Variants in ACTR3 observed in about 807,000 individuals in gnomAD.
ACTR3 encodes actin related protein 3.
Under a neutral mutation model 56.8 loss-of-function variants are expected in ACTR3, and 12 were observed. That is an observed-to-expected ratio of 0.21 (90% CI 0.14 to 0.34). The LOEUF (loss-of-function observed/expected upper bound fraction) is 0.34, where lower values mean the gene tolerates loss of function less well. Ranked by LOEUF, ACTR3 falls within the 10% of genes least tolerant of loss-of-function variation. The pLI is 1.00. For missense variants in ACTR3, 282 were observed against 512.5 expected, an observed-to-expected ratio of 0.55 and a Z score of 4.34; for synonymous variants, 162 against 167.4, an observed-to-expected ratio of 0.97 and a Z score of 0.25.
At chr2:113,891,083 C>T (rs1256047335) in intron 1 of ACTR3, among the ~76,000 whole-genome samples, 1 of 152,134 alleles carries the variant, frequency 6.6e-6, no homozygotes, top group Non-Finnish European at 1.5e-5. Flanking sequence ...GTCTTTTATA[C>T]CCTTATAAGG....
intron 2 of ACTR3, 87 bp from the exon 3 acceptor site, chr2:113,916,797 A>G (rs1228768021): frequency 3.5e-6 from 4 of 1,151,386 alleles, no homozygotes; most frequent in Non-Finnish European, 3.6e-6. Context: ...TTTACTTTGT[A>G]GTACTTTGTA....
At chr2:113,890,023 G>A (rs1364277428), upstream of ACTR3, 4 of 580,364 alleles carry the variant, frequency 6.9e-6, no homozygotes, top group Admixed American at 9.1e-5. Context: ...GCAGGAGTGA[G>A]GAGGAGGGAA....
At chr2:113,903,095 T>C (rs1292949913) in intron 1 of ACTR3, among the ~76,000 whole-genome samples, 1 of 152,252 alleles carries the variant, frequency 6.6e-6, no homozygotes, top group African/African-American at 2.4e-5. Context: ...CTAGTACTTA[T>C]TCATCTTATA....
intron 3 of ACTR3, among the ~76,000 whole-genome samples, chr2:113,923,515 T>C (rs2104602159): frequency 6.6e-6 from 1 of 152,250 alleles, no homozygotes; most frequent in South Asian, 2.1e-4. Context: ...TTTTATATTT[T>C]TAGTAGAGAT....
chr2:113,920,443 A>G (rs1350088668), intron 3 of ACTR3, among the ~76,000 whole-genome samples: 1 of 152,216 alleles, frequency 6.6e-6, no homozygotes, highest in Admixed American at 6.5e-5. Context: ...GTGTGTGGTG[A>G]TCAAGTCAAT....
intron 4 of ACTR3, among the ~76,000 whole-genome samples, chr2:113,930,659 C>A (rs1483185099): frequency 1.3e-5 from 2 of 152,204 alleles, no homozygotes; most frequent in Non-Finnish European, 2.9e-5. Context: ...ACTGCCAGAT[C>A]TCTGAGTCCT....
At chr2:113,936,940 T>C (rs1027607664) in intron 6 of ACTR3, among the ~76,000 whole-genome samples, 8 of 152,178 alleles carry the variant, frequency 5.3e-5, no homozygotes, top group Admixed American at 1.3e-4. Flanking sequence ...ACCACTTATA[T>C]TGGATTAGAG....
At chr2:113,927,773 T>C (rs1193420624) in intron 4 of ACTR3, among the ~76,000 whole-genome samples, 4 of 152,224 alleles carry the variant, frequency 2.6e-5, no homozygotes, top group Admixed American at 2.6e-4. Flanking sequence ...ATAGTCTGAT[T>C]ATTATATCAT....
At chr2:113,921,724 T>C (rs1410326755) in intron 3 of ACTR3, among the ~76,000 whole-genome samples, 1 of 152,140 alleles carries the variant, frequency 6.6e-6, no homozygotes, top group Non-Finnish European at 1.5e-5. Context: ...AAAATAAGTT[T>C]AATTTTGAAC....
chr2:113,936,576 A>T (rs1679831470), intron 6 of ACTR3, among the ~76,000 whole-genome samples: 1 of 152,154 alleles, frequency 6.6e-6, no homozygotes, highest in Admixed American at 6.5e-5. Flanking sequence ...TTGACCTTCT[A>T]GTCTTTGTTC....
Position 113,962,100 on chromosome 2 carries a change from T to C in ACTR3, c.*4645T>C, listed in dbSNP as rs531101373. 2 of 152,146 alleles carry C rather than the reference T, an allele frequency of 1.3e-5. No individual in the cohort carries two copies. Among genetic ancestry groups the C allele is most frequent in the African/African-American group, 4.8e-5 (2 of 41,556 alleles). The allele number at this position is 152,146 out of a possible 1,614,324, so 9.4% of individuals were successfully genotyped here. On this transcript the variant is annotated 3_prime_UTR_variant, in exon 12 of 12. Coordinates refer to ENST00000263238, the MANE Select transcript of ACTR3 (RefSeq NM_005721.5). ...TTTGAATTACATGAGTATACAACTT[T>C]TGTTCCTTCAAAATACCCATATTTG...
rs1032377679 is a variant in ACTR3, at chr2:113,958,591, C to G, written c.*1136C>G. On this transcript the variant is annotated 3_prime_UTR_variant, in exon 12 of 12. Transcript: ENST00000263238. Reference sequence around the variant, plus strand: ...TGAAAATAAATTAAAACTGAATTACCTTTTCTAATGTTTTTTTTTTTTAAG... The same window carrying G: ...TGAAAATAAATTAAAACTGAATTACGTTTTCTAATGTTTTTTTTTTTTAAG... The G allele has an allele frequency of 1.5e-5, 2 of 136,258 alleles. No individual in the cohort carries two copies. The highest frequency in any genetic ancestry group is 3.0e-5 in the Non-Finnish European group (2 of 66,594). The allele number at this position is 136,258 out of a possible 1,614,324, so 8.4% of individuals were successfully genotyped here. A position where few individuals can be genotyped will look rare whatever the true frequency, so the allele number is the denominator to read the frequency against.
chr2:113,943,447 GC>G (rs1679960325), intron 8 of ACTR3, among the ~76,000 whole-genome samples: 1 of 152,200 alleles, frequency 6.6e-6, no homozygotes, highest in African/African-American at 2.4e-5. Context: ...CTGTAGTCAT[GC>G]AAAAATTTTA....
chr2:113,928,924 T>C (rs1485645103), intron 4 of ACTR3, among the ~76,000 whole-genome samples: 1 of 152,150 alleles, frequency 6.6e-6, no homozygotes, highest in Non-Finnish European at 1.5e-5. Context: ...TCATCTGAGA[T>C]TAGCTTTGCC....
chr2:113,952,099 C>T lies in ACTR3; in HGVS notation c.1077+254C>T, dbSNP rs751593913. On this transcript the variant is annotated intron_variant, in intron 10 of 11. Coordinates refer to ENST00000263238, the MANE Select transcript of ACTR3 (RefSeq NM_005721.5). ...AGACTTTTTTTTTAAATACCTCTCT[C>T]ATAGATAATTAATATAGTAGATTTC... is the stretch of plus-strand genomic sequence containing the variant. 69 of 375,722 alleles carry T rather than the reference C, an allele frequency of 1.8e-4. 2 individuals are homozygous for T. The highest frequency in any genetic ancestry group is 2.6e-4 in the Non-Finnish European group (54 of 206,942). The allele number at this position is 375,722 out of a possible 1,614,324, so 23.3% of individuals were successfully genotyped here.
chr2:113,937,252 C>T (rs560663151), intron 6 of ACTR3, among the ~76,000 whole-genome samples: 32 of 152,120 alleles, frequency 2.1e-4, no homozygotes, highest in African/African-American at 7.5e-4. Context: ...TACAGATGTG[C>T]ACCACCACAC....
At chr2:113,895,648 G>A (rs1454574500) in intron 1 of ACTR3, among the ~76,000 whole-genome samples, 1 of 152,176 alleles carries the variant, frequency 6.6e-6, no homozygotes, top group African/African-American at 2.4e-5. Context: ...GAAGAGATAA[G>A]TTAGGAAAAG....
In ACTR3 at chr2:113,890,165, G is replaced by T. The variant is rs1327241474; in HGVS notation, c.-115G>T. 2 of 1,388,186 alleles carry T rather than the reference G, an allele frequency of 1.4e-6. No homozygotes were observed. Among genetic ancestry groups the T allele is most frequent in the Non-Finnish European group, 1.0e-6 (1 of 1,002,152 alleles). 86.0% of individuals were successfully genotyped at this position (1,388,186 alleles called of 1,614,324 possible). ...TCGGCTTCCCGGCTACCCCCCGGAC[G>T]GTGAAGGCGGCCCAGCTGTGGATGG... On this transcript the variant is annotated 5_prime_UTR_variant, in exon 1 of 12. Coordinates refer to ENST00000263238, the MANE Select transcript of ACTR3 (RefSeq NM_005721.5).
intron 1 of ACTR3, among the ~76,000 whole-genome samples, chr2:113,906,459 G>A (rs1190410811): frequency 6.6e-6 from 1 of 152,096 alleles, no homozygotes; most frequent in Non-Finnish European, 1.5e-5. Flanking sequence ...TGATACACAA[G>A]TTTTTAATTT....
Sources: gnomAD v4.1 joint callset for allele counts (sites outside exome capture counted in the v4.1 genomes callset) on GRCh38, gnomAD v4.1.1 for gene constraint, MANE v1.5 for transcripts, NCBI Gene and HGNC (gene_info 2026-07-23, HGNC 2026-07-21) for gene names.